AAK1: variants seen among roughly 807,000 people sequenced by gnomAD.
AAK1 encodes AP2-associated protein kinase 1.
AAK1 carries 37 observed loss-of-function variants against 116.0 expected under a neutral mutation model. The ratio of observed to expected loss-of-function variants is 0.32; its 90% confidence interval spans 0.25 to 0.42. AAK1 has a LOEUF of 0.42. AAK1 is among the 10% of genes least tolerant of loss of function. The probability of loss-of-function intolerance (pLI) is 1.00; values close to 1 mark genes in which losing one functional copy is unlikely to be tolerated. For synonymous variants in AAK1, 458 were observed against 439.9 expected, an observed-to-expected ratio of 1.04 and a Z score of -0.51; for missense variants, 919 against 1,170.6, an observed-to-expected ratio of 0.79 and a Z score of 3.14.
chr2:69,505,118 CGT>C (rs1013478012), intron 16 of AAK1, among the ~76,000 whole-genome samples: 1 of 121,640 alleles, frequency 8.2e-6, no homozygotes, highest in Non-Finnish European at 1.7e-5. Context: ...AGCGTGCGTG[CGT>C]GTGCGCACAC....
rs1298953341 is a variant in AAK1, at chr2:69,519,044, G to A, written c.1407C>T (p.Leu469=). ...ATPQHQQQLF[L]KQQQQQQQPP... is the part of the protein sequence containing the mutation. ...GCTGTTGCTGCTGCTGTTGCTGCTT[G>A]AGGAAGAGTTGCTGCTGGTGCTGGG... The change falls in exon 12 of 22, where the codon CTC becomes CTT. Residue 469 remains leucine, a synonymous_variant. Transcript: ENST00000409085. 1.3e-6 allele frequency: 2 copies of A among 1,550,800 alleles called. No individual in the cohort carries two copies. The highest frequency in any genetic ancestry group is 1.2e-5 in the South Asian group (1 of 84,020).
intron 19 of AAK1, among the ~76,000 whole-genome samples, chr2:69,479,468 C>T (rs1352999395): frequency 1.3e-5 from 2 of 152,152 alleles, no homozygotes; most frequent in Admixed American, 1.3e-4. Flanking sequence ...CTAACTTTAG[C>T]ACCTCAGTTC....
chr2:69,586,031 G>A (rs1019915100), intron 2 of AAK1, among the ~76,000 whole-genome samples: 8 of 152,202 alleles, frequency 5.3e-5, no homozygotes, highest in African/African-American at 1.2e-4. Flanking sequence ...CCCTCCGCAC[G>A]TCACTGCCCC....
intron 19 of AAK1, 129 bp from the exon 20 acceptor site, chr2:69,479,190 G>T: frequency 1.6e-6 from 1 of 643,244 alleles, no homozygotes; most frequent in South Asian, 2.0e-5. Context: ...CAAAGCGGGA[G>T]AATAAAAACC....
chr2:69,627,302 A>G (rs553314961), intron 2 of AAK1, among the ~76,000 whole-genome samples: 1 of 152,110 alleles, frequency 6.6e-6, no homozygotes, highest in South Asian at 2.1e-4. Context: ...AAGAGAAAAA[A>G]AAAAAAAAAG....
chr2:69,525,439 C>T (rs1669983059), intron 9 of AAK1, among the ~76,000 whole-genome samples: 1 of 152,232 alleles, frequency 6.6e-6, no homozygotes, highest in Admixed American at 6.5e-5. Flanking sequence ...TCCTATAGCA[C>T]AGCTTAGAAG....
chr2:69,616,638 C>T (rs1361702174), intron 2 of AAK1, among the ~76,000 whole-genome samples: 1 of 152,204 alleles, frequency 6.6e-6, no homozygotes, highest in Non-Finnish European at 1.5e-5. Flanking sequence ...GACCTCCATT[C>T]GTTTGATGCC....
At chr2:69,550,441 A>T (rs559123065) in intron 3 of AAK1, among the ~76,000 whole-genome samples, 13 of 152,004 alleles carry the variant, frequency 8.6e-5, no homozygotes, top group Non-Finnish European at 1.5e-4. Context: ...AGTAGCTGGG[A>T]TTACAGGCGT....
At chr2:69,480,260 C>CAA (rs761196037) in intron 19 of AAK1, among the ~76,000 whole-genome samples, 10 of 68,052 alleles carry the variant, frequency 1.5e-4, no homozygotes, top group East Asian at 3.7e-4. Context: ...GAATTATGGA[C>CAA]AAAAAAAAAA....
chr2:69,509,308 T>C lies in AAK1; in HGVS notation c.1929A>G (p.Ala643=). The change falls in exon 14 of 22, where the codon GCA becomes GCG. Residue 643 remains alanine, a synonymous_variant. Coordinates refer to ENST00000409085, the MANE Select transcript of AAK1 (RefSeq NM_014911.5). ...RRILSDVTHS[A]VFGVPASKST... is the part of the protein sequence containing the mutation. ...ATTTGCTGGCAGGGACCCCAAAGACTGCACTGTGGGTTACGTCACTGAGAA... is the reference window on the plus strand; with the variant it reads ...ATTTGCTGGCAGGGACCCCAAAGACCGCACTGTGGGTTACGTCACTGAGAA... 3 of 1,613,952 alleles carry C rather than the reference T, an allele frequency of 1.9e-6. No homozygotes were observed. The highest frequency in any genetic ancestry group is 1.3e-5 in the African/African-American group (1 of 75,028).
chr2:69,467,746 A>G lies in AAK1; in HGVS notation c.*8123T>C. On this transcript the variant is annotated 3_prime_UTR_variant, in exon 22 of 22. Coordinates refer to ENST00000409085, the MANE Select transcript of AAK1 (RefSeq NM_014911.5). ...TTTCTGCCAAAAATTATCCCCTGCT[A>G]AAGTTTCTGCATGAATTAAGCACAC... 2 of 985,478 alleles carry G rather than the reference A, an allele frequency of 2.0e-6. No individual in the cohort carries two copies. The highest frequency in any genetic ancestry group is 2.4e-6 in the Non-Finnish European group (2 of 829,932). The allele number at this position is 985,478 out of a possible 1,614,324, so 61.0% of individuals were successfully genotyped here. A position where few individuals can be genotyped will look rare whatever the true frequency, so the allele number is the denominator to read the frequency against.
In AAK1 at chr2:69,471,185, C is replaced by A; in HGVS notation, c.*4684G>T. On this transcript the variant is annotated 3_prime_UTR_variant, in exon 22 of 22. Coordinates refer to ENST00000409085, the MANE Select transcript of AAK1 (RefSeq NM_014911.5). ...GGAAAAGAGTAAATTCAGGTCACTA[C>A]ATCAAAGTGTGAACCAAGAACGTGT... The A allele has an allele frequency of 1.0e-6, 1 of 985,476 alleles. No homozygotes were observed. Among genetic ancestry groups the A allele is most frequent in the Non-Finnish European group, 1.2e-6 (1 of 829,938 alleles). 61.0% of individuals were successfully genotyped at this position (985,476 alleles called of 1,614,324 possible).
In AAK1 at chr2:69,472,567, T is replaced by C. The variant is rs1674715489; in HGVS notation, c.*3302A>G. Reference sequence around the variant, plus strand: ...CTAAAGAAATCATTAATTATAATAATTATAATCATACTTAGAAGTGTCCAC... The same window carrying C: ...CTAAAGAAATCATTAATTATAATAACTATAATCATACTTAGAAGTGTCCAC... On this transcript the variant is annotated 3_prime_UTR_variant, in exon 22 of 22. Transcript: ENST00000409085. 1.1e-6 allele frequency: 1 copy of C among 946,886 alleles called. No individual in the cohort carries two copies. The highest frequency in any genetic ancestry group is 4.9e-5 in the South Asian group (1 of 20,434). The allele number at this position is 946,886 out of a possible 1,614,324, so 58.7% of individuals were successfully genotyped here. A position where few individuals can be genotyped will look rare whatever the true frequency, so the allele number is the denominator to read the frequency against.
At position 69,468,791 on chromosome 2, in the gene AAK1, C is replaced by T. The variant is rs966465230; in HGVS notation, c.*7078G>A. 86 of 985,334 alleles carry T rather than the reference C, an allele frequency of 8.7e-5. No individual in the cohort carries two copies. Among genetic ancestry groups the T allele is most frequent in the Non-Finnish European group, 7.8e-5 (65 of 829,924 alleles). The allele number at this position is 985,334 out of a possible 1,614,324, so 61.0% of individuals were successfully genotyped here. A position where few individuals can be genotyped will look rare whatever the true frequency, so the allele number is the denominator to read the frequency against. On this transcript the variant is annotated 3_prime_UTR_variant, in exon 22 of 22. Coordinates refer to ENST00000409085, the MANE Select transcript of AAK1 (RefSeq NM_014911.5). ...AAGTACCAAGGGGTGTGTGTATGTG[C>T]CCATATTCAGGGTTGGAGAGGATGG...
intron 17 of AAK1, among the ~76,000 whole-genome samples, chr2:69,486,113 C>T (rs2871963): frequency 0.083 from 12,645 of 152,054 alleles, 1,211 homozygotes; most frequent in African/African-American, 0.21. Context: ...TACCACCATG[C>T]TCGGCTAATA....
chr2:69,519,184 G>A lies in AAK1; in HGVS notation c.1267C>T (p.Pro423Ser). The change falls in exon 12 of 22, where the codon CCA (proline) becomes TCA (serine). Residue 423 changes from proline to serine, a missense_variant. Physicochemically the swap from Pro to Ser is moderately conservative, Grantham distance 74. Transcript: ENST00000409085. ...GTTTGCGGCAGAGGCTGGCTGGGTG[G>A]GGCTTGGGGTTTTGGTTGGGGAACA... The part of the protein sequence containing the change: ...ASVPQPKPQA[P>S]PSQPLPQTQA... The A allele has an allele frequency of 1.3e-6, 2 of 1,588,306 alleles. No individual in the cohort carries two copies. Among genetic ancestry groups the A allele is most frequent in the East Asian group, 2.3e-5 (1 of 43,812 alleles).
intron 10 of AAK1, among the ~76,000 whole-genome samples, chr2:69,522,955 C>T (rs77682783): frequency 0.043 from 6,586 of 152,252 alleles, 348 homozygotes; most frequent in African/African-American, 0.13. Context: ...AAAAATATAT[C>T]TGAGTTCTAG....
chr2:69,524,487 T>G (rs1196042655), intron 10 of AAK1, among the ~76,000 whole-genome samples: 1 of 152,034 alleles, frequency 6.6e-6, no homozygotes. Context: ...CGGGCTAGAG[T>G]GCGGTGGCGT....
Position 69,507,531 on chromosome 2 carries a change from T to G in AAK1, c.2054A>C (p.Asn685Thr). Residue 685 changes from asparagine to threonine, a missense_variant, in exon 15 of 22, where the codon AAC becomes ACC. Asn to Thr is a moderately conservative substitution (Grantham distance 65). Coordinates refer to ENST00000409085, the MANE Select transcript of AAK1 (RefSeq NM_014911.5). ...AGACCCTTCTGAAGGATTATAAACG[T>G]TTTGTTGAGAGGTCCGAGGAGAGCC... ...PSGSPRTSQQNVYNPSEGSTW... is the reference protein window; with the variant it reads ...PSGSPRTSQQTVYNPSEGSTW... The G allele has an allele frequency of 6.2e-7, 1 of 1,612,518 alleles. No homozygotes were observed. Among genetic ancestry groups the G allele is most frequent in the Non-Finnish European group, 8.5e-7 (1 of 1,179,258 alleles).
Sources: allele counts gnomAD v4.1 joint callset (sites outside exome capture counted in the v4.1 genomes callset), GRCh38; gene constraint gnomAD v4.1.1; transcripts MANE v1.5; gene names NCBI Gene and HGNC (gene_info 2026-07-23, HGNC 2026-07-21).